Variants in GPR161 observed in about 807,000 individuals in gnomAD.
GPR161 encodes G protein-coupled receptor 161.
A neutral mutation model predicts 39.2 loss-of-function variants in GPR161; 25 were observed. The ratio of observed to expected loss-of-function variants is 0.64; its 90% CI spans 0.47 to 0.89. The LOEUF (loss-of-function observed/expected upper bound fraction) is 0.89, where lower values mean the gene tolerates loss of function less well. GPR161 is among the 40% of genes least tolerant of loss of function. The pLI, the probability that GPR161 is intolerant of heterozygous loss-of-function variation, is 0.00. For missense variants in GPR161, 547 were observed against 677.8 expected (o/e 0.81, Z 2.14); for synonymous variants, 286 against 276.6 (o/e 1.03, Z -0.34).
chr1:168,108,627 G>A (rs929705889), intron 1 of GPR161, among the ~76,000 whole-genome samples: 1 of 150,748 alleles, frequency 6.6e-6, no homozygotes, highest in Non-Finnish European at 1.5e-5. Context: ...AAGAGAGAGA[G>A]AAGTAAATTT....
At chr1:168,125,619 C>T (rs573187570) in intron 1 of GPR161, among the ~76,000 whole-genome samples, 167 of 137,538 alleles carry the variant, frequency 1.2e-3, no homozygotes, top group Non-Finnish European at 2.3e-3. Flanking sequence ...TCTTGCTTCC[C>T]CCCCCTTTTT....
At chr1:168,099,581 A>C (rs1210478967) in intron 2 of GPR161, among the ~76,000 whole-genome samples, 1 of 152,098 alleles carries the variant, frequency 6.6e-6, no homozygotes. Flanking sequence ...ACTTTATGGC[A>C]AGACTTCTCC....
At chr1:168,136,356 C>T in intron 1 of GPR161, 1 of 1,473,030 alleles carries the variant, frequency 6.8e-7, no homozygotes. Context: ...GGGCGCGGCC[C>T]GCATCGGCAG....
At position 168,085,681 on chromosome 1, in the gene GPR161, C is replaced by T; in HGVS notation, c.1440G>A (p.Gly480=). Residue 480 remains glycine, a synonymous_variant, in exon 6 of 6, where the codon GGG becomes GGA. Coordinates refer to ENST00000682931, the MANE Select transcript of GPR161 (RefSeq NM_001375883.1). ...IEAEAKINLF[G]EEALPGVLVT... Reference sequence around the variant, plus strand: ...CCAAGACCCCTGGCAAAGCCTCCTCCCCAAATAAGTTGATTTTGGCTTCGG... The same window carrying T: ...CCAAGACCCCTGGCAAAGCCTCCTCTCCAAATAAGTTGATTTTGGCTTCGG... 1 of 1,614,266 alleles carries T rather than the reference C, an allele frequency of 6.2e-7. No homozygotes were observed. The highest frequency in any genetic ancestry group is 8.5e-7 in the Non-Finnish European group (1 of 1,180,054).
rs555089179 is a variant in GPR161, at chr1:168,081,637, G to A, written c.*3894C>T. 1 of 152,356 alleles carries A rather than the reference G, an allele frequency of 6.6e-6. No individual in the cohort carries two copies. The highest frequency in any genetic ancestry group is 2.1e-4 in the South Asian group (1 of 4,830). The allele number at this position is 152,356 out of a possible 1,614,324, so 9.4% of individuals were successfully genotyped here. On this transcript the variant is annotated 3_prime_UTR_variant, in exon 6 of 6. Coordinates refer to ENST00000682931, the MANE Select transcript of GPR161 (RefSeq NM_001375883.1). ...TGAGGAAACTCATAAGTAGTGACTT[G>A]TTTGAAAACACCCATGTAATTGGAA... is the stretch of plus-strand genomic sequence containing the variant.
chr1:168,087,124 C>T (rs902246110), intron 5 of GPR161, among the ~76,000 whole-genome samples: 2 of 152,158 alleles, frequency 1.3e-5, no homozygotes, highest in African/African-American at 4.8e-5. Context: ...TGGGCTGCGG[C>T]AGAACTCATT....
chr1:168,109,914 C>G lies in GPR161; in HGVS notation c.-44-5020G>C, dbSNP rs899240418. Among the ~76,000 whole-genome samples, 3 of 152,144 alleles carry G rather than the reference C, an allele frequency of 2.0e-5. No homozygotes were observed. In the East Asian group the frequency reaches 5.8e-4, roughly 29 times the overall value. On this transcript the variant is annotated intron_variant, in intron 1 of 5. Transcript: ENST00000682931. ...CTGGGAGGCAGAGGTTGCAATGAGC[C>G]GAGATCGCACCACTGCACTCCAGCC...
intron 3 of GPR161, 87 bp from the exon 4 acceptor site, chr1:168,090,755 C>G: frequency 1.6e-6 from 1 of 614,242 alleles, no homozygotes. Context: ...CCATCTCCTG[C>G]CCTTCTGTTC....
intron 3 of GPR161, among the ~76,000 whole-genome samples, chr1:168,092,459 G>A (rs1695155258): frequency 6.6e-6 from 1 of 152,176 alleles, no homozygotes; most frequent in Admixed American, 6.5e-5. Flanking sequence ...CTGTGTTTAT[G>A]CAGCATTTAC....
In GPR161 at chr1:168,083,642, G is replaced by C. The variant is rs1694229431; in HGVS notation, c.*1889C>G. ...GGAATGCCATCCAGTGATGGAAGCA[G>C]AGTGTCTGACCTGCACAGGTGAACC... is the stretch of plus-strand genomic sequence containing the variant. On this transcript the variant is annotated 3_prime_UTR_variant, in exon 6 of 6. Coordinates refer to ENST00000682931, the MANE Select transcript of GPR161 (RefSeq NM_001375883.1). 1 of 151,458 alleles carries C rather than the reference G, an allele frequency of 6.6e-6. No homozygotes were observed. Among genetic ancestry groups the C allele is most frequent in the South Asian group, 2.1e-4 (1 of 4,834 alleles). 9.4% of individuals were successfully genotyped at this position (151,458 alleles called of 1,614,324 possible).
chr1:168,126,464 T>G (rs1698599633), intron 1 of GPR161, among the ~76,000 whole-genome samples: 1 of 124,732 alleles, frequency 8.0e-6, no homozygotes, highest in Non-Finnish European at 1.9e-5. Flanking sequence ...TTTTGTTTTG[T>G]TTTTTTTGAG....
At position 168,083,444 on chromosome 1, in the gene GPR161, G is replaced by A. The variant is rs1199354679; in HGVS notation, c.*2087C>T. On this transcript the variant is annotated 3_prime_UTR_variant, in exon 6 of 6. Coordinates refer to ENST00000682931, the MANE Select transcript of GPR161 (RefSeq NM_001375883.1). ...TTCAAAGCCAAGCTGCTGCACTCAA[G>A]AATGCCTACACCTAACCAGCAACCC... 1 of 152,276 alleles carries A rather than the reference G, an allele frequency of 6.6e-6. No individual in the cohort carries two copies. The highest frequency in any genetic ancestry group is 2.4e-5 in the African/African-American group (1 of 41,432). The allele number at this position is 152,276 out of a possible 1,614,324, so 9.4% of individuals were successfully genotyped here.
chr1:168,136,694 CCT>C, intron 1 of GPR161, 43 bp downstream of exon 1: 2 of 1,087,186 alleles, frequency 1.8e-6, no homozygotes, highest in Non-Finnish European at 2.2e-6. Context: ...TCCGGACCGC[CCT>C]CTCCGCCCGG....
rs1693987770 is a variant in GPR161, at chr1:168,080,494, C to T, written c.*5037G>A. 6.6e-6 allele frequency: 1 copy of T among 152,282 alleles called. No individual in the cohort carries two copies. The highest frequency in any genetic ancestry group is 2.4e-5 in the African/African-American group (1 of 41,454). The allele number at this position is 152,282 out of a possible 1,614,324, so 9.4% of individuals were successfully genotyped here. On this transcript the variant is annotated 3_prime_UTR_variant, in exon 6 of 6. Coordinates refer to ENST00000682931, the MANE Select transcript of GPR161 (RefSeq NM_001375883.1). ...ATATATGGCTAATCACAGCCATTCT[C>T]CTTTGCCTACAGTGAAGACGGTAAT... is the stretch of plus-strand genomic sequence containing the variant.
rs906134421 is a variant in GPR161 at position 168,084,560 on chromosome 1, T to A, written c.*971A>T. The A allele has an allele frequency of 2.8e-6, 1 of 353,044 alleles. No homozygotes were observed. Among genetic ancestry groups the A allele is most frequent in the South Asian group, 2.2e-5 (1 of 45,858 alleles). 21.9% of individuals were successfully genotyped at this position (353,044 alleles called of 1,614,324 possible). Reference sequence around the variant, plus strand: ...CTTATTTATACCAGGCTTGTGATAATAGTAACTGTTGCTCTTGGGAGTGTG... The same window carrying A: ...CTTATTTATACCAGGCTTGTGATAAAAGTAACTGTTGCTCTTGGGAGTGTG... On this transcript the variant is annotated 3_prime_UTR_variant, in exon 6 of 6. Coordinates refer to ENST00000682931, the MANE Select transcript of GPR161 (RefSeq NM_001375883.1).
chr1:168,125,103 T>G (rs1698486290), intron 1 of GPR161, among the ~76,000 whole-genome samples: 1 of 152,260 alleles, frequency 6.6e-6, no homozygotes, highest in Non-Finnish European at 1.5e-5. Context: ...TTCTCCGTAA[T>G]TTCTTTCAAC....
At position 168,085,162 on chromosome 1, in the gene GPR161, G is replaced by A. The variant is rs275139; in HGVS notation, c.*369C>T. On this transcript the variant is annotated 3_prime_UTR_variant, in exon 6 of 6. Coordinates refer to ENST00000682931, the MANE Select transcript of GPR161 (RefSeq NM_001375883.1). ...CTGGACTCCCAGCACACTGTGAAGA[G>A]GAGGAAATGATGCATGTGGGGGTCT... The A allele has an allele frequency of 0.026, 11,682 of 447,146 alleles. 1,115 individuals carry two copies. The highest frequency in any genetic ancestry group is 0.21 in the African/African-American group (10,511 of 50,424). 27.7% of individuals were successfully genotyped at this position (447,146 alleles called of 1,614,324 possible).
intron 1 of GPR161, chr1:168,134,926 G>C: frequency 1.3e-6 from 2 of 1,535,588 alleles, no homozygotes; most frequent in South Asian, 1.2e-5. Context: ...TGACATTTAG[G>C]TCAGTTCCAG....
intron 1 of GPR161, chr1:168,135,170 G>A: frequency 8.6e-7 from 1 of 1,161,498 alleles, no homozygotes; most frequent in East Asian, 2.9e-5. Context: ...GAGAAGCCCT[G>A]AGTTAAAGAA....
Sources: gnomAD v4.1 joint callset for allele counts (sites outside exome capture counted in the v4.1 genomes callset) on GRCh38, gnomAD v4.1.1 for gene constraint, MANE v1.5 for transcripts, NCBI Gene and HGNC (gene_info 2026-07-23, HGNC 2026-07-21) for gene names.